The following CCDC192 variants were observed in gnomAD, a reference collection of about 807,000 sequenced individuals.
CCDC192 encodes coiled-coil domain containing 192.
chr5:127,777,110 C>G (rs555214896), intron 3 of CCDC192, among the ~76,000 whole-genome samples: 1 of 152,316 alleles, frequency 6.6e-6, no homozygotes, highest in Admixed American at 6.5e-5. Context: ...AGCTTACATC[C>G]TGTGCCTGGA....
At chr5:127,747,032 A>T (rs913592593) in intron 2 of CCDC192, among the ~76,000 whole-genome samples, 6 of 152,138 alleles carry the variant, frequency 3.9e-5, no homozygotes, top group Non-Finnish European at 7.4e-5. Flanking sequence ...ATAAAGCAGA[A>T]GTTAGACCTT....
chr5:127,845,171 CTGT>C, intron 5 of CCDC192, among the ~76,000 whole-genome samples: 2 of 152,214 alleles, frequency 1.3e-5, no homozygotes, highest in East Asian at 3.9e-4. Flanking sequence ...TAATAAATGG[CTGT>C]TATTAGCCAA....
chr5:127,735,955 C>G (rs1418966924), intron 2 of CCDC192, among the ~76,000 whole-genome samples: 2 of 127,368 alleles, frequency 1.6e-5, no homozygotes, highest in Non-Finnish European at 3.2e-5. Context: ...GCCAGAACTT[C>G]CAACACTATG....
intron 5 of CCDC192, among the ~76,000 whole-genome samples, chr5:127,843,899 A>G (rs1020449979): frequency 2.3e-4 from 35 of 152,254 alleles, no homozygotes; most frequent in African/African-American, 8.2e-4. Flanking sequence ...AAAGTAGCTT[A>G]AACAAATGTA....
intron 3 of CCDC192, among the ~76,000 whole-genome samples, chr5:127,755,078 A>G (rs1580602756): frequency 6.6e-6 from 1 of 152,194 alleles, no homozygotes; most frequent in Non-Finnish European, 1.5e-5. Context: ...GCTTGGCCCC[A>G]GGGGACAAAC....
intron 2 of CCDC192, among the ~76,000 whole-genome samples, chr5:127,726,246 T>C (rs1006001216): frequency 2.0e-5 from 3 of 152,162 alleles, no homozygotes; most frequent in African/African-American, 7.2e-5. Context: ...TTTTTACAGA[T>C]AGAACTGCTC....
chr5:127,819,474 T>C (rs1749186942), intron 5 of CCDC192, among the ~76,000 whole-genome samples: 1 of 152,088 alleles, frequency 6.6e-6, no homozygotes, highest in Non-Finnish European at 1.5e-5. Context: ...TGCCTTTATC[T>C]GGCAGGGTGG....
Position 127,904,915 on chromosome 5 carries a change from G to A in CCDC192, c.535+29254G>A, listed in dbSNP as rs565160923. ...TCTGACCAGTGTACTGTGAGTTTAGGTGACAGATGTCACCTTCCAGGCTCA... is the reference window on the plus strand; with the variant it reads ...TCTGACCAGTGTACTGTGAGTTTAGATGACAGATGTCACCTTCCAGGCTCA... On this transcript the variant is annotated intron_variant, in intron 6 of 6. Transcript: ENST00000514853. Among the ~76,000 whole-genome samples, 6 of 152,192 alleles carry A rather than the reference G, an allele frequency of 3.9e-5. No homozygotes were observed. The South Asian group carries it at 1.2e-3, about 32-fold the overall frequency.
intron 3 of CCDC192, chr5:127,784,542 C>T (rs1756424866): frequency 2.5e-6 from 1 of 403,484 alleles, no homozygotes; most frequent in African/African-American, 2.1e-5. Flanking sequence ...CTGCTGTAAA[C>T]TTGAGTTGTT....
intron 3 of CCDC192, among the ~76,000 whole-genome samples, chr5:127,787,364 C>T (rs1160629517): frequency 6.6e-6 from 1 of 152,210 alleles, no homozygotes; most frequent in East Asian, 1.9e-4. Flanking sequence ...CTCCTCCTCA[C>T]CTGCCAGCCC....
At chr5:127,928,241 T>C (rs779342690) in intron 6 of CCDC192, among the ~76,000 whole-genome samples, 1 of 152,198 alleles carries the variant, frequency 6.6e-6, no homozygotes, top group African/African-American at 2.4e-5. Flanking sequence ...ATAGTTCTTA[T>C]AGATGGAGGT....
chr5:127,864,587 C>T (rs748709931), intron 5 of CCDC192, among the ~76,000 whole-genome samples: 4 of 152,176 alleles, frequency 2.6e-5, no homozygotes, highest in Non-Finnish European at 4.4e-5. Context: ...AAAGAATAAT[C>T]TGTATGTGAT....
chr5:127,904,822 C>T (rs1016746518), intron 6 of CCDC192, among the ~76,000 whole-genome samples: 1 of 152,046 alleles, frequency 6.6e-6, no homozygotes, highest in Non-Finnish European at 1.5e-5. Flanking sequence ...ATTTAATGCT[C>T]ACTGAATACA....
intron 5 of CCDC192, among the ~76,000 whole-genome samples, chr5:127,800,772 A>G (rs1317789992): frequency 6.6e-6 from 1 of 152,164 alleles, no homozygotes; most frequent in Non-Finnish European, 1.5e-5. Flanking sequence ...ACTACAAAGC[A>G]GTTTTAAAAT....
At chr5:127,723,515 G>A (rs1416417529) in intron 2 of CCDC192, among the ~76,000 whole-genome samples, 1 of 152,178 alleles carries the variant, frequency 6.6e-6, no homozygotes, top group East Asian at 1.9e-4. Context: ...TGGTGAAAAT[G>A]GAGAGACCAT....
intron 3 of CCDC192, among the ~76,000 whole-genome samples, chr5:127,789,666 G>C (rs1756753684): frequency 6.6e-6 from 1 of 152,244 alleles, no homozygotes; most frequent in African/African-American, 2.4e-5. Context: ...CTGCCAGTCT[G>C]AACTGAAGGA....
At chr5:127,857,544 G>C (rs1368807770) in intron 5 of CCDC192, 1 of 152,074 alleles carries the variant, frequency 6.6e-6, no homozygotes. Context: ...ACAACCAATA[G>C]GATATACATA....
intron 6 of CCDC192, among the ~76,000 whole-genome samples, chr5:127,885,850 T>A (rs1216955374): frequency 1.3e-5 from 2 of 152,158 alleles, no homozygotes; most frequent in African/African-American, 2.4e-5. Flanking sequence ...TAATTTACTA[T>A]GGTATTCTAA....
intron 2 of CCDC192, among the ~76,000 whole-genome samples, chr5:127,724,236 G>A (rs1752183245): frequency 6.6e-6 from 1 of 152,016 alleles, no homozygotes. Flanking sequence ...ATATATTAAG[G>A]TCTTGCCTTA....
Sources: allele counts gnomAD v4.1 joint callset (sites outside exome capture counted in the v4.1 genomes callset), GRCh38; gene constraint gnomAD v4.1.1; transcripts MANE v1.5; gene names NCBI Gene and HGNC (gene_info 2026-07-23, HGNC 2026-07-21).